Variants in TMEM117 observed in about 807,000 individuals in gnomAD.
The protein encoded by TMEM117 is transmembrane protein 117.
TMEM117 carries 27 observed loss-of-function variants against 52.4 expected under a neutral mutation model. The ratio of observed to expected loss-of-function variants is 0.51; its 90% CI spans 0.38 to 0.71. The LOEUF (loss-of-function observed/expected upper bound fraction) is 0.71, where lower values mean the gene tolerates loss of function less well. Among genes scored for constraint, TMEM117 ranks in the 30% least tolerant of loss-of-function variants. The probability of loss-of-function intolerance (pLI) is 0.00; values close to 1 mark genes in which losing one functional copy is unlikely to be tolerated. For missense variants in TMEM117, 556 were observed against 630.5 expected (o/e 0.88, Z 1.26); for synonymous variants, 215 against 206.3 (o/e 1.04, Z -0.36).
chr12:44,159,024 T>C (rs888067269), intron 4 of TMEM117, among the ~76,000 whole-genome samples: 3 of 152,256 alleles, frequency 2.0e-5, no homozygotes, highest in East Asian at 1.9e-4. Context: ...GTTTGATGTT[T>C]AGTGCTGGGA....
intron 5 of TMEM117, among the ~76,000 whole-genome samples, chr12:44,258,213 C>A (rs1229949540): frequency 6.6e-6 from 1 of 151,950 alleles, no homozygotes; most frequent in Admixed American, 6.6e-5. Flanking sequence ...AGTACAAACC[C>A]CTCCAAAGCA....
chr12:43,816,860 G>A, the TMEM117 span, among the ~76,000 whole-genome samples: 4 of 152,180 alleles, frequency 2.6e-5, no homozygotes, highest in Non-Finnish European at 5.9e-5. Context: ...GACATCTGAT[G>A]TATATTAATT....
intron 5 of TMEM117, among the ~76,000 whole-genome samples, chr12:44,226,523 G>GTGTGTA (rs199798090): frequency 2.0e-5 from 3 of 151,842 alleles, no homozygotes; most frequent in African/African-American, 4.8e-5. Context: ...GTGTGTGTGT[G>GTGTGTA]TACACATATA....
chr12:43,962,686 C>T (rs1945422190), intron 3 of TMEM117, among the ~76,000 whole-genome samples: 1 of 151,992 alleles, frequency 6.6e-6, no homozygotes, highest in Non-Finnish European at 1.5e-5. Context: ...TTTGGGAGGC[C>T]GAGGTGGGCG....
chr12:44,365,715 A>G (rs17641088), intron 6 of TMEM117, among the ~76,000 whole-genome samples: 2,270 of 152,212 alleles, frequency 0.015, 28 homozygotes, highest in Middle Eastern at 0.044. Flanking sequence ...TGAATTGAAT[A>G]TGAAAATACA....
intron 3 of TMEM117, among the ~76,000 whole-genome samples, chr12:44,142,822 AAAAT>A (rs1391593070): frequency 6.6e-6 from 1 of 152,178 alleles, no homozygotes; most frequent in Admixed American, 6.5e-5. Context: ...CAAAATTAGA[AAAAT>A]AATAATTAGT....
intron 3 of TMEM117, among the ~76,000 whole-genome samples, chr12:43,969,812 A>T (rs911904709): frequency 6.6e-6 from 1 of 151,848 alleles, no homozygotes; most frequent in Non-Finnish European, 1.5e-5. Context: ...TTCTCTCTCC[A>T]TCCCTTGACA....
intron 3 of TMEM117, among the ~76,000 whole-genome samples, chr12:44,018,350 A>G (rs921129108): frequency 6.6e-6 from 1 of 152,200 alleles, no homozygotes; most frequent in Non-Finnish European, 1.5e-5. Flanking sequence ...AATGATATGT[A>G]TGCTTTAAGG....
chr12:43,925,111 C>T (rs564253387), intron 2 of TMEM117, among the ~76,000 whole-genome samples: 2 of 152,156 alleles, frequency 1.3e-5, no homozygotes, highest in South Asian at 2.1e-4. Context: ...GACAGCAACT[C>T]GAGAGAGGGA....
the TMEM117 span, among the ~76,000 whole-genome samples, chr12:43,810,561 G>T: frequency 6.6e-6 from 1 of 152,178 alleles, no homozygotes; most frequent in South Asian, 2.1e-4. Flanking sequence ...AAGGGGAACT[G>T]TGAGCTGAGC....
At chr12:44,334,840 T>A (rs1189028006) in intron 6 of TMEM117, among the ~76,000 whole-genome samples, 1 of 151,958 alleles carries the variant, frequency 6.6e-6, no homozygotes, top group Non-Finnish European at 1.5e-5. Context: ...AGAAAAAAAA[T>A]TCAGTTATAT....
intron 3 of TMEM117, among the ~76,000 whole-genome samples, chr12:44,086,875 GCAAATGTGATGT>G (rs1322350886): frequency 6.6e-6 from 1 of 150,874 alleles, no homozygotes; most frequent in Non-Finnish European, 1.5e-5. Flanking sequence ...CCATCGGACA[GCAAATGTGATGT>G]CATTTTAATT....
At chr12:44,127,862 A>T (rs757287658) in intron 3 of TMEM117, among the ~76,000 whole-genome samples, 8 of 152,174 alleles carry the variant, frequency 5.3e-5, no homozygotes, top group Non-Finnish European at 8.8e-5. Flanking sequence ...ACAGTTGCAT[A>T]AGCCAGTTCC....
chr12:43,858,901 T>C (rs545210920), intron 2 of TMEM117, among the ~76,000 whole-genome samples: 1 of 152,146 alleles, frequency 6.6e-6, no homozygotes, highest in Non-Finnish European at 1.5e-5. Context: ...GCCTCTGCCT[T>C]TTAGGAGGGA....
chr12:43,858,304 C>T (rs1159695765), intron 2 of TMEM117, among the ~76,000 whole-genome samples: 2 of 152,186 alleles, frequency 1.3e-5, no homozygotes, highest in African/African-American at 2.4e-5. Flanking sequence ...TCCCAGATGG[C>T]GAACTGGCAG....
At chr12:44,086,932 T>TATAATTATAAATTATATAATTTATAATTA (rs1947578052) in intron 3 of TMEM117, among the ~76,000 whole-genome samples, 1 of 146,864 alleles carries the variant, frequency 6.8e-6, no homozygotes, top group Non-Finnish European at 1.5e-5. Context: ...ATTATGACTT[T>TATAATTATAAATTATATAATTTATAATTA]ATAATTATAA....
At chr12:44,038,857 C>A (rs1318280722) in intron 3 of TMEM117, among the ~76,000 whole-genome samples, 1 of 152,004 alleles carries the variant, frequency 6.6e-6, no homozygotes, top group Non-Finnish European at 1.5e-5. Context: ...AAATTGTGGC[C>A]ATTTCAAACA....
At chr12:44,069,915 A>G (rs1286963284) in intron 3 of TMEM117, among the ~76,000 whole-genome samples, 1 of 152,072 alleles carries the variant, frequency 6.6e-6, no homozygotes, top group East Asian at 1.9e-4. Flanking sequence ...CAGGGGACAG[A>G]GTTTGACTCT....
intron 5 of TMEM117, among the ~76,000 whole-genome samples, chr12:44,273,986 T>G (rs866779482): frequency 6.6e-6 from 1 of 151,988 alleles, no homozygotes; most frequent in African/African-American, 2.4e-5. Context: ...AAGAAAGAAA[T>G]AAAGCGTGTC....
Sources: allele counts gnomAD v4.1 joint callset (sites outside exome capture counted in the v4.1 genomes callset), GRCh38; gene constraint gnomAD v4.1.1; transcripts MANE v1.5; gene names NCBI Gene and HGNC (gene_info 2026-07-23, HGNC 2026-07-21).